ADAM22: variants seen among roughly 807,000 people sequenced by gnomAD.
The protein encoded by ADAM22 is disintegrin and metalloproteinase domain-containing protein 22.
In ADAM22, 65 loss-of-function variants were observed where a neutral mutation model predicts 144.6. That is an observed-to-expected ratio of 0.45 (90% CI 0.37 to 0.55). The LOEUF (loss-of-function observed/expected upper bound fraction) is 0.55, where lower values mean the gene tolerates loss of function less well. Ranked by LOEUF, ADAM22 falls within the 20% of genes least tolerant of loss-of-function variation. ADAM22 has a pLI of 0.00. For synonymous variants in ADAM22, 391 were observed against 412.6 expected (o/e 0.95, Z 0.63); for missense variants, 974 against 1,184.9 (o/e 0.82, Z 2.61).
At chr7:88,044,966 C>T (rs372021692) in intron 3 of ADAM22, among the ~76,000 whole-genome samples, 2 of 151,224 alleles carry the variant, frequency 1.3e-5, no homozygotes, top group South Asian at 4.2e-4. Flanking sequence ...CTCAGGCGAT[C>T]CGCCCACCTC....
intron 2 of ADAM22, among the ~76,000 whole-genome samples, chr7:87,975,162 T>C (rs1851608611): frequency 6.6e-6 from 1 of 152,216 alleles, no homozygotes; most frequent in Admixed American, 6.5e-5. Flanking sequence ...GTTACCTGGA[T>C]ATTACCTCCT....
chr7:88,080,191 C>T (rs2129482691), intron 4 of ADAM22, among the ~76,000 whole-genome samples: 1 of 152,312 alleles, frequency 6.6e-6, no homozygotes, highest in South Asian at 2.1e-4. Flanking sequence ...GATTAAGAAA[C>T]TCACTCAAAA....
At chr7:88,071,737 T>G (rs1164700124) in intron 3 of ADAM22, among the ~76,000 whole-genome samples, 2 of 152,148 alleles carry the variant, frequency 1.3e-5, no homozygotes, top group Non-Finnish European at 2.9e-5. Flanking sequence ...CTTTAGAGAA[T>G]GAGTGGCCTT....
Position 88,201,614 on chromosome 7 carries a change from T to G in ADAM22, c.*5123T>G, listed in dbSNP as rs1238429959. ...TAATAGGCCAGTCACTCCTGCCTGA[T>G]GCATCCCTGTTGCACTGTTCATAAA... is the stretch of plus-strand genomic sequence containing the variant. On this transcript the variant is annotated 3_prime_UTR_variant, in exon 32 of 32. Transcript: ENST00000413139. The G allele has an allele frequency of 6.6e-6, 1 of 152,216 alleles. No individual in the cohort carries two copies. The highest frequency in any genetic ancestry group is 1.5e-5 in the Non-Finnish European group (1 of 68,050). 9.4% of individuals were successfully genotyped at this position (152,216 alleles called of 1,614,324 possible). A position where few individuals can be genotyped will look rare whatever the true frequency, so the allele number is the denominator to read the frequency against.
At chr7:87,953,118 G>GT (rs970330405) in intron 2 of ADAM22, among the ~76,000 whole-genome samples, 259 of 146,742 alleles carry the variant, frequency 1.8e-3, no homozygotes, top group Middle Eastern at 0.011. Flanking sequence ...TTTTTGAAGG[G>GT]TTTTTTTTTT....
chr7:88,009,471 T>C (rs906507322), intron 3 of ADAM22, among the ~76,000 whole-genome samples: 2 of 152,198 alleles, frequency 1.3e-5, no homozygotes. Context: ...TTTCCAAAAT[T>C]ACAAAAGAAG....
At chr7:87,940,740 T>A (rs868080164) in intron 2 of ADAM22, among the ~76,000 whole-genome samples, 2 of 152,232 alleles carry the variant, frequency 1.3e-5, no homozygotes, top group South Asian at 4.1e-4. Flanking sequence ...TAGTCTAAAG[T>A]AATTTCATTC....
intron 2 of ADAM22, among the ~76,000 whole-genome samples, chr7:87,940,445 T>G (rs535219928): frequency 6.6e-6 from 1 of 152,356 alleles, no homozygotes; most frequent in South Asian, 2.1e-4. Flanking sequence ...GTTTCAATTT[T>G]CATCCCCAAA....
intron 31 of ADAM22, among the ~76,000 whole-genome samples, chr7:88,195,156 T>C (rs1850409042): frequency 1.3e-5 from 2 of 152,222 alleles, no homozygotes; most frequent in African/African-American, 4.8e-5. Context: ...TTGGATGGAA[T>C]TGGATACAAC....
intron 31 of ADAM22, among the ~76,000 whole-genome samples, chr7:88,195,568 T>C (rs993128762): frequency 1.3e-5 from 2 of 152,192 alleles, no homozygotes; most frequent in Non-Finnish European, 2.9e-5. Flanking sequence ...CAGGCTATAG[T>C]GCAATGTCGC....
chr7:87,944,816 G>GTTTTTTTTTT (rs11311070), intron 2 of ADAM22, among the ~76,000 whole-genome samples: 1 of 127,026 alleles, frequency 7.9e-6, no homozygotes, highest in Non-Finnish European at 1.6e-5. Flanking sequence ...GGAAACTTGT[G>GTTTTTTTTTT]TTTTTTTTTT....
At chr7:87,980,570 G>A (rs1465446071) in intron 3 of ADAM22, among the ~76,000 whole-genome samples, 1 of 151,860 alleles carries the variant, frequency 6.6e-6, no homozygotes, top group Non-Finnish European at 1.5e-5. Flanking sequence ...AGTCCATGTA[G>A]CTAGCTTCTG....
intron 3 of ADAM22, among the ~76,000 whole-genome samples, chr7:88,062,605 T>C (rs932326904): frequency 2.6e-5 from 4 of 152,240 alleles, no homozygotes; most frequent in African/African-American, 9.6e-5. Context: ...TAGCAGCATT[T>C]TTAATTTCCT....
Position 88,179,074 on chromosome 7 carries a change from A to G in ADAM22, c.2440A>G (p.Thr814Ala), listed in dbSNP as rs779053886. The stretch of plus-strand genomic sequence containing the variant: ...TTTTCTGTCGCATTTTCAGATTTCT[A>G]CCTGTTCCATCACACATTATTCCAT... ...SAFLSHFQIS[T>A]CSITHYSISQ... The change falls in exon 27 of 32, where the codon ACC becomes GCC. Residue 814 changes from threonine to alanine, a missense_variant. Thr to Ala is a moderately conservative substitution (Grantham distance 58). Transcript: ENST00000413139. 2.0e-6 allele frequency: 3 copies of G among 1,535,828 alleles called. 1 individual carries two copies. Among genetic ancestry groups the G allele is most frequent in the Non-Finnish European group, 2.7e-6 (3 of 1,109,206 alleles).
intron 23 of ADAM22, among the ~76,000 whole-genome samples, chr7:88,165,251 TTTTTTC>T (rs1842679715): frequency 6.6e-6 from 1 of 152,086 alleles, no homozygotes; most frequent in Non-Finnish European, 1.5e-5. Context: ...TATATGAATC[TTTTTTC>T]TATACTCAAT....
chr7:88,157,979 C>G (rs183246243), intron 22 of ADAM22, among the ~76,000 whole-genome samples: 1 of 152,006 alleles, frequency 6.6e-6, no homozygotes, highest in Non-Finnish European at 1.5e-5. Context: ...AAAAATAAGA[C>G]CCCAAGGTGT....
chr7:88,159,006 A>G (rs559079995), intron 22 of ADAM22, among the ~76,000 whole-genome samples: 1 of 152,106 alleles, frequency 6.6e-6, no homozygotes, highest in South Asian at 2.1e-4. Context: ...ATAGGTCACT[A>G]GATAGACTAA....
At chr7:87,945,108 A>G (rs1355930071) in intron 2 of ADAM22, among the ~76,000 whole-genome samples, 2 of 152,116 alleles carry the variant, frequency 1.3e-5, no homozygotes, top group African/African-American at 4.8e-5. Context: ...TGTGCCTTGC[A>G]TGGATCAGGA....
intron 3 of ADAM22, among the ~76,000 whole-genome samples, chr7:88,005,408 T>C (rs1173751578): frequency 2.0e-5 from 3 of 152,180 alleles, no homozygotes; most frequent in Non-Finnish European, 4.4e-5. Flanking sequence ...TTTTGGAGGC[T>C]GCAGGCCCAG....
Sources: allele counts gnomAD v4.1 joint callset (sites outside exome capture counted in the v4.1 genomes callset), GRCh38; gene constraint gnomAD v4.1.1; transcripts MANE v1.5; gene names NCBI Gene and HGNC (gene_info 2026-07-23, HGNC 2026-07-21).